The following FGD4 variants were observed in gnomAD, a reference collection of about 807,000 sequenced individuals.
The protein encoded by FGD4 is FYVE, RhoGEF and PH domain containing 4.
In FGD4, 42 loss-of-function variants were observed where a neutral mutation model predicts 102.0. The ratio of observed to expected loss-of-function variants is 0.41; its 90% CI spans 0.32 to 0.53. FGD4 has a LOEUF of 0.53. Among genes scored for constraint, FGD4 ranks in the 20% least tolerant of loss-of-function variants. The pLI is 0.21. For missense variants in FGD4, 902 were observed against 1,078.2 expected (o/e 0.84, Z 2.29); for synonymous variants, 380 against 375.7 (o/e 1.01, Z -0.13).
intron 2 of FGD4, among the ~76,000 whole-genome samples, chr12:32,569,806 T>C (rs1945492533): frequency 6.6e-6 from 1 of 152,210 alleles, no homozygotes; most frequent in Non-Finnish European, 1.5e-5. Context: ...ATAAACACCC[T>C]ATATAGAGGT....
At chr12:32,461,618 T>A (rs1943105720) in intron 1 of FGD4, among the ~76,000 whole-genome samples, 1 of 152,180 alleles carries the variant, frequency 6.6e-6, no homozygotes, top group Admixed American at 6.5e-5. Flanking sequence ...AGGGAGAATT[T>A]CAAGAATGTT....
intron 1 of FGD4, among the ~76,000 whole-genome samples, chr12:32,404,011 G>A (rs923952675): frequency 3.3e-5 from 5 of 151,904 alleles, no homozygotes; most frequent in East Asian, 1.9e-4. Context: ...CTAGGCTTTC[G>A]GGTTCCTGGC....
At chr12:32,625,513 G>T in intron 13 of FGD4, 141 bp from the exon 14 acceptor site, 2 of 1,023,154 alleles carry the variant, frequency 2.0e-6, no homozygotes, top group Non-Finnish European at 1.4e-6. Flanking sequence ...CAGGTGATCC[G>T]CCTGCCTCAG....
chr12:32,549,622 A>G (rs1943493364), intron 1 of FGD4, among the ~76,000 whole-genome samples: 1 of 152,200 alleles, frequency 6.6e-6, no homozygotes, highest in Non-Finnish European at 1.5e-5. Flanking sequence ...AAATGAAAAC[A>G]AAATGGTAGT....
At position 32,485,946 on chromosome 12, in the gene FGD4, T is replaced by C. The variant is rs898941514; in HGVS notation, c.167-78191T>C. Reference sequence around the variant, plus strand: ...TGCATCACTGCCAGAAGAAGACTTATGAAACAGAACTCTGTACTTCCCATT... The same window carrying C: ...TGCATCACTGCCAGAAGAAGACTTACGAAACAGAACTCTGTACTTCCCATT... On this transcript the variant is annotated intron_variant, in intron 1 of 16. Coordinates refer to ENST00000534526, the MANE Select transcript of FGD4 (RefSeq NM_001370298.3). 1.0e-4 allele frequency: 130 copies of C among 1,277,394 alleles called. No individual in the cohort carries two copies. The African/African-American group carries it at 1.6e-3, about 16-fold the overall frequency. 79.1% of individuals were successfully genotyped at this position (1,277,394 alleles called of 1,614,324 possible). A position where few individuals can be genotyped will look rare whatever the true frequency, so the allele number is the denominator to read the frequency against.
In FGD4 at chr12:32,582,012, G is replaced by C. The variant is rs754942816; in HGVS notation, c.556G>C (p.Ala186Pro). 6.8e-6 allele frequency: 11 copies of C among 1,614,010 alleles called. No individual in the cohort carries two copies. Among genetic ancestry groups the C allele is most frequent in the Non-Finnish European group, 9.3e-6 (11 of 1,180,022 alleles). The change falls in exon 4 of 17, where the codon GCT (alanine) becomes CCT (proline). Residue 186 changes from alanine (A) to proline (P), a missense_variant. Around this residue, in one of 2 missense-constraint regions of FGD4, gnomAD observed 443 missense variants for 459.2 expected, o/e 0.96. Transcript: ENST00000534526. ...GAAAGAGTCTGCTGTGAACCTAAATGCTCCTAGAACCCCAGGAAGGCATGG... is the reference window on the plus strand; with the variant it reads ...GAAAGAGTCTGCTGTGAACCTAAATCCTCCTAGAACCCCAGGAAGGCATGG... The part of the protein sequence containing the change: ...LKKESAVNLN[A>P]PRTPGRHGLT...
intron 1 of FGD4, among the ~76,000 whole-genome samples, chr12:32,408,444 G>C (rs1452970822): frequency 6.6e-6 from 1 of 152,192 alleles, no homozygotes; most frequent in Non-Finnish European, 1.5e-5. Context: ...TGGGTTGACA[G>C]GTGTGAGCCA....
intron 7 of FGD4, among the ~76,000 whole-genome samples, chr12:32,607,517 T>C (rs1948855457): frequency 6.6e-6 from 1 of 152,082 alleles, no homozygotes; most frequent in South Asian, 2.1e-4. Context: ...TTTTCTGTTG[T>C]TGTTGTTGTT....
chr12:32,413,740 A>C (rs1363740609), intron 1 of FGD4, among the ~76,000 whole-genome samples: 1 of 152,066 alleles, frequency 6.6e-6, no homozygotes, highest in Non-Finnish European at 1.5e-5. Flanking sequence ...CTTTCTCTGG[A>C]CCTCTGGAGA....
intron 1 of FGD4, among the ~76,000 whole-genome samples, chr12:32,485,634 C>T (rs1232157821): frequency 6.6e-6 from 1 of 151,498 alleles, no homozygotes; most frequent in Non-Finnish European, 1.5e-5. Flanking sequence ...TCAGTAGAGA[C>T]GAGGTTTCAC....
intron 1 of FGD4, chr12:32,502,204 T>C (rs1003340887): frequency 3.0e-6 from 3 of 985,406 alleles, no homozygotes; most frequent in East Asian, 1.1e-4. Flanking sequence ...GGGGAGCCTG[T>C]GCTGGGTGAG....
At chr12:32,405,625 C>T (rs1336666106) in intron 1 of FGD4, among the ~76,000 whole-genome samples, 2 of 152,132 alleles carry the variant, frequency 1.3e-5, no homozygotes, top group African/African-American at 4.8e-5. Flanking sequence ...GAGACTCTTA[C>T]TCCACAGTCA....
At chr12:32,545,455 G>A (rs1219057020) in intron 1 of FGD4, among the ~76,000 whole-genome samples, 1 of 152,142 alleles carries the variant, frequency 6.6e-6, no homozygotes, top group Non-Finnish European at 1.5e-5. Flanking sequence ...TTCTGTGAAG[G>A]GCCAGATTGT....
intron 15 of FGD4, among the ~76,000 whole-genome samples, chr12:32,637,053 T>TC (rs202066783): frequency 0.43 from 61,619 of 143,134 alleles, 13,656 homozygotes; most frequent in Middle Eastern, 0.61. Context: ...TTCTTCTTTT[T>TC]TTTTTTTTTT....
At chr12:32,604,169 G>A (rs1204460950) in intron 7 of FGD4, among the ~76,000 whole-genome samples, 1 of 152,126 alleles carries the variant, frequency 6.6e-6, no homozygotes, top group Non-Finnish European at 1.5e-5. Flanking sequence ...TAAATATGAT[G>A]TGTCTGGGTG....
intron 1 of FGD4, among the ~76,000 whole-genome samples, chr12:32,530,950 T>G (rs968052797): frequency 7.8e-6 from 1 of 127,494 alleles, no homozygotes; most frequent in Non-Finnish European, 1.6e-5. Context: ...GGTTTTTTTT[T>G]TTTTTTTTTT....
chr12:32,569,465 C>T (rs562992177), intron 2 of FGD4, among the ~76,000 whole-genome samples: 1 of 152,266 alleles, frequency 6.6e-6, no homozygotes, highest in South Asian at 2.1e-4. Context: ...CCCAGCTGTC[C>T]CTGGCTGTCA....
intron 1 of FGD4, among the ~76,000 whole-genome samples, chr12:32,468,215 T>C (rs1490696926): frequency 6.6e-6 from 1 of 151,902 alleles, no homozygotes; most frequent in African/African-American, 2.4e-5. Context: ...AGCCACTGCT[T>C]AACTCTGATT....
chr12:32,495,363 A>G (rs1482727352), intron 1 of FGD4, among the ~76,000 whole-genome samples: 2 of 152,172 alleles, frequency 1.3e-5, no homozygotes, highest in African/African-American at 4.8e-5. Flanking sequence ...TATCTTAGAA[A>G]AGAACCCAGG....
Sources: allele counts gnomAD v4.1 joint callset (sites outside exome capture counted in the v4.1 genomes callset), GRCh38; gene constraint gnomAD v4.1.1; regional missense constraint gnomAD v4.1.1; transcripts MANE v1.5; gene names NCBI Gene and HGNC (gene_info 2026-07-23, HGNC 2026-07-21).